UBXN7: variants seen among roughly 807,000 people sequenced by gnomAD.
UBXN7 encodes the protein UBX domain-containing protein 7.
A neutral mutation model predicts 58.0 loss-of-function variants in UBXN7; 9 were observed. The ratio of observed to expected loss-of-function variants is 0.16; its 90% CI spans 0.09 to 0.27. UBXN7 has a LOEUF of 0.27. Among genes scored for constraint, UBXN7 ranks in the 10% least tolerant of loss-of-function variants. The probability of loss-of-function intolerance (pLI) is 1.00; values close to 1 mark genes in which losing one functional copy is unlikely to be tolerated. For synonymous variants in UBXN7, 208 were observed against 205.0 expected (o/e 1.01, Z -0.12); for missense variants, 328 against 599.6 (o/e 0.55, Z 4.73).
chr3:196,370,277 T>TTTTG (rs145343442), intron 6 of UBXN7, among the ~76,000 whole-genome samples: 5 of 149,046 alleles, frequency 3.4e-5, no homozygotes, highest in Non-Finnish European at 7.4e-5. Flanking sequence ...TTTTGTTTTT[T>TTTTG]TTTGTTTGTT....
chr3:196,381,593 C>T (rs112976725), intron 5 of UBXN7, among the ~76,000 whole-genome samples: 11,377 of 152,276 alleles, frequency 0.075, 513 homozygotes, highest in Middle Eastern at 0.15. Flanking sequence ...TCCAAAGGAT[C>T]GCAACTCCTT....
At chr3:196,384,379 G>A (rs1432154172) in intron 5 of UBXN7, among the ~76,000 whole-genome samples, 6 of 152,120 alleles carry the variant, frequency 3.9e-5, no homozygotes, top group Non-Finnish European at 8.8e-5. Context: ...GTACAAAGAG[G>A]AGCTGGTACC....
chr3:196,400,450 T>C (rs951431674), intron 3 of UBXN7: 1 of 153,808 alleles, frequency 6.5e-6, no homozygotes, highest in African/African-American at 2.4e-5. Flanking sequence ...AATTCAGAGA[T>C]AAAAAAAGGA....
At chr3:196,390,810 A>G (rs1560230713) in intron 5 of UBXN7, among the ~76,000 whole-genome samples, 1 of 152,314 alleles carries the variant, frequency 6.6e-6, no homozygotes, top group East Asian at 1.9e-4. Flanking sequence ...AAAGAGCATT[A>G]ACATGTTAAT....
rs1047515610 is a variant in UBXN7, at chr3:196,393,685, CT to C, written c.290-67del. ...ATTTTGAAACAATTCTAAAAATGTC[CT>C]TATCTAAAAGTATTTTTTTAATAAA... On this transcript the variant is annotated intron_variant, in intron 3 of 10. Coordinates refer to ENST00000296328, the MANE Select transcript of UBXN7 (RefSeq NM_015562.2). 2.0e-6 allele frequency: 3 copies of C among 1,483,208 alleles called. No individual in the cohort carries two copies. In the Admixed American group the frequency reaches 5.7e-5, roughly 28 times the overall value. The allele number at this position is 1,483,208 out of a possible 1,614,324, so 91.9% of individuals were successfully genotyped here.
chr3:196,393,045 G>A (rs1272666297), intron 4 of UBXN7, among the ~76,000 whole-genome samples: 1 of 152,088 alleles, frequency 6.6e-6, no homozygotes, highest in Admixed American at 6.5e-5. Context: ...CTTTCTTTAG[G>A]ATTCCATTGC....
At chr3:196,389,105 T>C (rs1407700310) in intron 5 of UBXN7, among the ~76,000 whole-genome samples, 3 of 152,202 alleles carry the variant, frequency 2.0e-5, no homozygotes, top group Non-Finnish European at 4.4e-5. Context: ...AGTTACTGCA[T>C]TACGTCCTAG....
chr3:196,403,690 A>C (rs979013519), intron 2 of UBXN7, among the ~76,000 whole-genome samples: 8 of 152,226 alleles, frequency 5.3e-5, no homozygotes, highest in African/African-American at 1.9e-4. Context: ...ACTATATCAA[A>C]GAATAATTAA....
In UBXN7 at chr3:196,352,008, A is replaced by G. The variant is rs2108821772; in HGVS notation, c.*4677T>C. On this transcript the variant is annotated 3_prime_UTR_variant, in exon 11 of 11. Coordinates refer to ENST00000296328, the MANE Select transcript of UBXN7 (RefSeq NM_015562.2). This position sits in a 1 kb window ranked among gnomAD's most constrained non-coding sequence, Gnocchi z 4.1. ...CCTACTTGGGTACTGGTTATGCCTTAGTGGCAGAACTTCATGCCCCAAATC... is the reference window on the plus strand; with the variant it reads ...CCTACTTGGGTACTGGTTATGCCTTGGTGGCAGAACTTCATGCCCCAAATC... The G allele has an allele frequency of 6.6e-6, 1 of 152,334 alleles. No homozygotes were observed. The highest frequency in any genetic ancestry group is 3.4e-3 in the Middle Eastern group (1 of 294). The allele number at this position is 152,334 out of a possible 1,614,324, so 9.4% of individuals were successfully genotyped here.
rs780983094 is a variant in UBXN7 at position 196,362,395 on chromosome 3, C to A, written c.1127G>T (p.Gly376Val). ...CAATCCTTGGTGGTTTGTGGCTGTTCCAGGATCAGTTCTGACTGGTGGCTC... is the reference window on the plus strand; with the variant it reads ...CAATCCTTGGTGGTTTGTGGCTGTTACAGGATCAGTTCTGACTGGTGGCTC... ...LTEPPVRTDPGTATNHQGLPA... is the reference protein window; with the variant it reads ...LTEPPVRTDPVTATNHQGLPA... Residue 376 changes from glycine (G) to valine (V), a missense_variant, in exon 9 of 11, where the codon GGA (glycine) becomes GTA (valine). Coordinates refer to ENST00000296328, the MANE Select transcript of UBXN7 (RefSeq NM_015562.2). 8.1e-6 allele frequency: 13 copies of A among 1,614,026 alleles called. No individual in the cohort carries two copies. Among genetic ancestry groups the A allele is most frequent in the Non-Finnish European group, 8.5e-7 (1 of 1,180,042 alleles).
intron 10 of UBXN7, among the ~76,000 whole-genome samples, chr3:196,359,135 C>T (rs1172985505): frequency 6.6e-6 from 1 of 152,286 alleles, no homozygotes; most frequent in Non-Finnish European, 1.5e-5. Flanking sequence ...TTTCAAACAG[C>T]ATGTGCTCAC....
chr3:196,403,529 C>G (rs1337220769), intron 2 of UBXN7, among the ~76,000 whole-genome samples: 2 of 152,024 alleles, frequency 1.3e-5, no homozygotes, highest in Non-Finnish European at 2.9e-5. Flanking sequence ...ATATATAGCT[C>G]AAATGGTTTG....
intron 10 of UBXN7, among the ~76,000 whole-genome samples, chr3:196,361,149 G>C (rs1162420232): frequency 6.6e-6 from 1 of 152,202 alleles, no homozygotes; most frequent in Non-Finnish European, 1.5e-5. Flanking sequence ...GGATGACTTT[G>C]AGGGGTTTAA....
chr3:196,389,348 A>G (rs1406605868), intron 5 of UBXN7, among the ~76,000 whole-genome samples: 3 of 152,220 alleles, frequency 2.0e-5, no homozygotes, highest in African/African-American at 7.2e-5. Context: ...CTTCAACTCT[A>G]GGCTTATTAC....
At chr3:196,388,937 G>A (rs995863861) in intron 5 of UBXN7, among the ~76,000 whole-genome samples, 1 of 151,764 alleles carries the variant, frequency 6.6e-6, no homozygotes, top group Non-Finnish European at 1.5e-5. Context: ...AAAAAAAAAT[G>A]GACTGCTGTA....
chr3:196,368,664 G>A (rs1276335807), intron 7 of UBXN7, among the ~76,000 whole-genome samples: 1 of 152,120 alleles, frequency 6.6e-6, no homozygotes, highest in Non-Finnish European at 1.5e-5. Flanking sequence ...CTTATCTGCT[G>A]CTATCACTTA....
At chr3:196,409,032 A>T (rs1478964365) in intron 1 of UBXN7, among the ~76,000 whole-genome samples, 1 of 152,130 alleles carries the variant, frequency 6.6e-6, no homozygotes, top group Admixed American at 6.6e-5. Context: ...AATTAGATGT[A>T]TGTTACAACT....
chr3:196,414,052 C>CGATCT (rs1157425461), intron 1 of UBXN7, among the ~76,000 whole-genome samples: 3 of 152,068 alleles, frequency 2.0e-5, no homozygotes, highest in African/African-American at 7.2e-5. Flanking sequence ...TGCAGTGGTA[C>CGATCT]GATCTCCGCT....
chr3:196,375,802 G>T (rs926397197), intron 5 of UBXN7, among the ~76,000 whole-genome samples: 1 of 152,194 alleles, frequency 6.6e-6, no homozygotes, highest in Non-Finnish European at 1.5e-5. Context: ...GCCGATGTGG[G>T]CTGATCATTT....
Sources: allele counts gnomAD v4.1 joint callset (sites outside exome capture counted in the v4.1 genomes callset), GRCh38; gene constraint gnomAD v4.1.1; non-coding constraint Gnocchi (gnomAD v3.1); transcripts MANE v1.5; gene names NCBI Gene and HGNC (gene_info 2026-07-23, HGNC 2026-07-21).